SEL1L3: variants seen among roughly 807,000 people sequenced by gnomAD.
The protein encoded by SEL1L3 is SEL1L family member 3.
A neutral mutation model predicts 142.8 loss-of-function variants in SEL1L3; 76 were observed. That is an observed-to-expected ratio of 0.53 (90% CI 0.44 to 0.64). SEL1L3 has a LOEUF of 0.64. SEL1L3 is among the 30% of genes least tolerant of loss of function. The pLI is 0.00. For synonymous variants in SEL1L3, 504 were observed against 519.6 expected (o/e 0.97, Z 0.41); for missense variants, 1,262 against 1,381.7 (o/e 0.91, Z 1.37).
At chr4:25,802,977 C>T (rs371618538) in intron 10 of SEL1L3, among the ~76,000 whole-genome samples, 11 of 152,348 alleles carry the variant, frequency 7.2e-5, no homozygotes, top group African/African-American at 2.6e-4. Flanking sequence ...AATGCCCTGA[C>T]TTTTGCCTCT....
downstream of SEL1L3, among the ~76,000 whole-genome samples, chr4:25,744,348 C>CTTTTTTTTTTTTTTT (rs35155388): frequency 1.1e-3 from 116 of 101,424 alleles, 8 homozygotes; most frequent in African/African-American, 1.4e-3. Flanking sequence ...ATGTGTGAGT[C>CTTTTTTTTTTTTTTT]TTTTTTTTTT....
Position 25,764,077 on chromosome 4 carries a change from T to C in SEL1L3, c.2955+1249A>G, listed in dbSNP as rs539027142. Among the ~76,000 whole-genome samples the C allele has an allele frequency of 3.3e-5, 5 of 152,338 alleles. No individual in the cohort carries two copies. The East Asian group carries it at 5.8e-4, about 18-fold the overall frequency. Reference sequence around the variant, plus strand: ...ATTGAGAATCATCGTTAGAACAGCATGGTAATAATCGTAATAGGCAAAATT... The same window carrying C: ...ATTGAGAATCATCGTTAGAACAGCACGGTAATAATCGTAATAGGCAAAATT... On this transcript the variant is annotated intron_variant, in intron 20 of 23. Transcript: ENST00000399878.
chr4:25,728,953 C>A, the SEL1L3 span, among the ~76,000 whole-genome samples: 1 of 152,008 alleles, frequency 6.6e-6, no homozygotes, highest in Non-Finnish European at 1.5e-5. Flanking sequence ...AAAAACTCTT[C>A]ACAAATACTA....
chr4:25,863,188 G>A (rs1312672183), upstream of SEL1L3, among the ~76,000 whole-genome samples: 22 of 109,530 alleles, frequency 2.0e-4, no homozygotes, highest in East Asian at 5.4e-3. Flanking sequence ...CCCCTTGGCC[G>A]CCGCCACCCC....
chr4:25,768,433 G>T (rs1214920674), intron 17 of SEL1L3, among the ~76,000 whole-genome samples: 1 of 152,168 alleles, frequency 6.6e-6, no homozygotes, highest in Admixed American at 6.5e-5. Context: ...ATTCATATTT[G>T]GAATAATGGC....
intron 17 of SEL1L3, among the ~76,000 whole-genome samples, chr4:25,770,042 C>T (rs1034013137): frequency 1.2e-4 from 19 of 152,064 alleles, no homozygotes; most frequent in Admixed American, 1.2e-3. Context: ...GCAGGAGAAT[C>T]GCTCGAACAC....
chr4:25,844,373 T>C (rs77419438), intron 2 of SEL1L3, among the ~76,000 whole-genome samples: 2,700 of 152,244 alleles, frequency 0.018, 73 homozygotes, highest in African/African-American at 0.061. Flanking sequence ...TCAGAGCTTA[T>C]TTTGAGGGTG....
At chr4:25,749,720 C>G (rs1717463526) in intron 23 of SEL1L3, among the ~76,000 whole-genome samples, 1 of 152,146 alleles carries the variant, frequency 6.6e-6, no homozygotes, top group Non-Finnish European at 1.5e-5. Context: ...TTATTTGCTG[C>G]CTGGGGGACC....
At chr4:25,796,796 A>G (rs1216816974) in intron 11 of SEL1L3, among the ~76,000 whole-genome samples, 1 of 152,090 alleles carries the variant, frequency 6.6e-6, no homozygotes, top group Non-Finnish European at 1.5e-5. Context: ...AAAAAAACAA[A>G]AACAAAACAC....
chr4:25,795,377 G>A (rs1467493788), intron 11 of SEL1L3, among the ~76,000 whole-genome samples: 2 of 152,200 alleles, frequency 1.3e-5, no homozygotes, highest in African/African-American at 4.8e-5. Context: ...GGTATTTGCA[G>A]TTTAGTACAA....
At chr4:25,725,970 C>G in the SEL1L3 span, among the ~76,000 whole-genome samples, 13 of 152,010 alleles carry the variant, frequency 8.6e-5, no homozygotes, top group African/African-American at 3.1e-4. Flanking sequence ...TCCTCGTGAC[C>G]GGTATCTTGT....
chr4:25,818,461 A>G (rs1189029556), intron 8 of SEL1L3, among the ~76,000 whole-genome samples, 183 bp from the exon 9 acceptor site: 1 of 152,248 alleles, frequency 6.6e-6, no homozygotes, highest in Non-Finnish European at 1.5e-5. Context: ...TTCAGAGCCA[A>G]GTCCATGAGA....
intron 9 of SEL1L3, among the ~76,000 whole-genome samples, chr4:25,813,406 G>C (rs1287609078): frequency 6.6e-6 from 1 of 152,200 alleles, no homozygotes; most frequent in Non-Finnish European, 1.5e-5. Flanking sequence ...CACTGCAACA[G>C]AGGTGAACCT....
At chr4:25,729,453 C>T in the SEL1L3 span, among the ~76,000 whole-genome samples, 1 of 152,166 alleles carries the variant, frequency 6.6e-6, no homozygotes, top group Non-Finnish European at 1.5e-5. Context: ...GTGGCTTGCA[C>T]CTGTAATCTC....
chr4:25,778,002 T>C, intron 16 of SEL1L3: 1 of 364,512 alleles, frequency 2.7e-6, no homozygotes, highest in Non-Finnish European at 5.4e-6. Context: ...AAAAGCATTC[T>C]TAGCTCTTGG....
At chr4:25,838,160 C>T (rs751445059) in intron 2 of SEL1L3, among the ~76,000 whole-genome samples, 2 of 152,180 alleles carry the variant, frequency 1.3e-5, no homozygotes, top group Non-Finnish European at 2.9e-5. Flanking sequence ...GTAATGTGCA[C>T]CACACTGCGT....
chr4:25,827,772 T>C (rs1464699664), intron 6 of SEL1L3, among the ~76,000 whole-genome samples: 1 of 152,098 alleles, frequency 6.6e-6, no homozygotes, highest in Non-Finnish European at 1.5e-5. Flanking sequence ...ACAAAGAAAA[T>C]GAAAAGGAGC....
At chr4:25,771,689 G>A (rs554635092) in intron 17 of SEL1L3, among the ~76,000 whole-genome samples, 8 of 152,180 alleles carry the variant, frequency 5.3e-5, no homozygotes, top group Non-Finnish European at 1.0e-4. Context: ...ACTATAATCT[G>A]GCTAACCTCC....
intron 5 of SEL1L3, among the ~76,000 whole-genome samples, chr4:25,830,918 T>C (rs1014783036): frequency 3.9e-5 from 6 of 152,230 alleles, no homozygotes; most frequent in Admixed American, 6.5e-5. Context: ...AAGTCACTTA[T>C]ACATTCAGTC....
Sources: allele counts gnomAD v4.1 joint callset (sites outside exome capture counted in the v4.1 genomes callset), GRCh38; gene constraint gnomAD v4.1.1; transcripts MANE v1.5; gene names NCBI Gene and HGNC (gene_info 2026-07-23, HGNC 2026-07-21).